Variants in ZC3H12B observed in about 807,000 individuals in gnomAD.
The protein encoded by ZC3H12B is probable ribonuclease ZC3H12B.
In ZC3H12B, 7 loss-of-function variants were observed where a neutral mutation model predicts 43.9. The observed-to-expected ratio is 0.16, with a 90% CI of 0.09 to 0.30. The LOEUF is 0.30. Ranked by LOEUF, ZC3H12B falls within the 10% of genes least tolerant of loss-of-function variation. The pLI is 1.00. For synonymous variants in ZC3H12B, 222 were observed against 241.7 expected, an observed-to-expected ratio of 0.92 and a Z score of 0.76; for missense variants, 475 against 670.2, an observed-to-expected ratio of 0.71 and a Z score of 3.22.
the ZC3H12B span, among the ~76,000 whole-genome samples, chrX:65,214,814 G>A: frequency 9.0e-6 from 1 of 111,628 alleles, no homozygotes; most frequent in Admixed American, 9.6e-5. Context: ...AGGAATCACT[G>A]TCTCTGACAG....
At chrX:65,322,846 TATTA>T in the ZC3H12B span, among the ~76,000 whole-genome samples, 44 of 112,053 alleles carry the variant, frequency 3.9e-4, no homozygotes, top group Non-Finnish European at 7.9e-4. Flanking sequence ...AACATTTTAA[TATTA>T]ATTCTTCCAA....
rs187151383 is a variant in ZC3H12B, at chrX:65,498,656, C to T, written c.749-343C>T. 3.7e-4 allele frequency among the ~76,000 whole-genome samples: 42 copies of T among 112,310 alleles called. 1 individual carries two copies. In the East Asian group the frequency reaches 0.01, roughly 27 times the overall value. The stretch of plus-strand genomic sequence containing the variant: ...TCCTCAGTATTTCCCTGTTAGAAAT[C>T]AACAACCAAAAAGCTGGTGCTTTGG... On this transcript the variant is annotated intron_variant, in intron 2 of 4. Coordinates refer to ENST00000338957, the Ensembl canonical transcript of ZC3H12B.
intron 3 of ZC3H12B, among the ~76,000 whole-genome samples, chrX:65,482,836 G>A (rs1176256753): frequency 8.9e-6 from 1 of 111,908 alleles, no homozygotes; most frequent in African/African-American, 3.2e-5. Context: ...TGGGAATAAT[G>A]GGTCTTGAAA....
the ZC3H12B span, among the ~76,000 whole-genome samples, chrX:65,189,611 G>C: frequency 2.9e-5 from 3 of 103,160 alleles, no homozygotes; most frequent in Non-Finnish European, 5.9e-5. Context: ...AGAAGTGTCT[G>C]TTCATGTCCT....
chrX:65,503,651 C>T (rs2068398668), exon 5 of ZC3H12B: 1 of 110,227 alleles, frequency 9.1e-6, no homozygotes, highest in African/African-American at 3.5e-5. Context: ...GAATCTCACT[C>T]TGTTACACAG....
At chrX:65,348,214 A>G in the ZC3H12B span, among the ~76,000 whole-genome samples, 1 of 112,432 alleles carries the variant, frequency 8.9e-6, no homozygotes, top group Non-Finnish European at 1.9e-5. Context: ...CTTGTACCCT[A>G]GAACTTAAAG....
the ZC3H12B span, among the ~76,000 whole-genome samples, chrX:65,343,194 A>T: frequency 1.8e-4 from 20 of 110,812 alleles, no homozygotes; most frequent in African/African-American, 3.3e-4. Flanking sequence ...AACAAATTTT[A>T]AAAAAAATAA....
the ZC3H12B span, among the ~76,000 whole-genome samples, chrX:65,161,398 A>T: frequency 9.0e-6 from 1 of 111,258 alleles, no homozygotes; most frequent in Non-Finnish European, 1.9e-5. Context: ...TGGGATTCTA[A>T]GTCTCTTTGT....
At chrX:65,118,807 A>C in the ZC3H12B span, among the ~76,000 whole-genome samples, 6 of 58,852 alleles carry the variant, frequency 1.0e-4, no homozygotes, top group African/African-American at 2.7e-4. Context: ...CCCACCCCCC[A>C]CCCCACAACA....
chrX:65,061,759 T>C, the ZC3H12B span, among the ~76,000 whole-genome samples: 1 of 112,480 alleles, frequency 8.9e-6, no homozygotes, highest in Non-Finnish European at 1.9e-5. Flanking sequence ...TCCACAATGG[T>C]TGAACTAATT....
the ZC3H12B span, among the ~76,000 whole-genome samples, chrX:65,274,180 A>T: frequency 8.9e-6 from 1 of 111,977 alleles, no homozygotes; most frequent in African/African-American, 3.2e-5. Context: ...TTCTACTGCA[A>T]ACACCTACAG....
chrX:65,315,429 A>C, the ZC3H12B span, among the ~76,000 whole-genome samples: 23 of 111,592 alleles, frequency 2.1e-4, no homozygotes, highest in Non-Finnish European at 4.3e-4. Flanking sequence ...TTTGAGAAGC[A>C]AAAGAAGGAT....
the ZC3H12B span, among the ~76,000 whole-genome samples, chrX:65,163,412 G>C: frequency 9.0e-6 from 1 of 111,540 alleles, no homozygotes; most frequent in Non-Finnish European, 1.9e-5. Context: ...TTGAGCTGTG[G>C]TGGGCTCCAC....
intron 3 of ZC3H12B, among the ~76,000 whole-genome samples, chrX:65,453,405 A>ATATAT: frequency 1.5e-5 from 1 of 68,508 alleles, no homozygotes; most frequent in Non-Finnish European, 3.0e-5. Context: ...TATATATATA[A>ATATAT]AATAGAATAG....
the ZC3H12B span, among the ~76,000 whole-genome samples, chrX:65,253,402 A>C: frequency 8.9e-6 from 1 of 112,154 alleles, no homozygotes; most frequent in Non-Finnish European, 1.9e-5. Flanking sequence ...CCCACAGACA[A>C]GTGGCAAGGA....
At chrX:65,415,293 C>T (rs1248947398) in intron 3 of ZC3H12B, among the ~76,000 whole-genome samples, 3 of 112,282 alleles carry the variant, frequency 2.7e-5, no homozygotes, top group Non-Finnish European at 5.6e-5. Context: ...TAAAAATTAC[C>T]CAACTTTGTT....
intron 2 of ZC3H12B, among the ~76,000 whole-genome samples, chrX:65,388,995 G>T (rs926408136): frequency 8.9e-6 from 1 of 111,885 alleles, no homozygotes; most frequent in Non-Finnish European, 1.9e-5. Context: ...CGTTCCTCTG[G>T]AAGTTTTGTC....
At chrX:65,344,232 T>C in the ZC3H12B span, among the ~76,000 whole-genome samples, 1 of 112,247 alleles carries the variant, frequency 8.9e-6, no homozygotes, top group Admixed American at 9.4e-5. Context: ...GAAGAATTGA[T>C]ATCGTTAAAA....
the ZC3H12B span, among the ~76,000 whole-genome samples, chrX:65,101,598 G>C: frequency 1.8e-5 from 2 of 112,009 alleles, no homozygotes; most frequent in Non-Finnish European, 3.8e-5. Context: ...TACCATCAGA[G>C]AATACTATAA....
Sources: gnomAD v4.1 joint callset for allele counts (sites outside exome capture counted in the v4.1 genomes callset) on GRCh38, gnomAD v4.1.1 for gene constraint, MANE v1.5 for transcripts, NCBI Gene and HGNC (gene_info 2026-07-23, HGNC 2026-07-21) for gene names.